Variants in EPM2A observed in about 807,000 individuals in gnomAD.
EPM2A encodes the protein EPM2A glucan phosphatase, laforin, also known as laforin.
A neutral mutation model predicts 26.5 loss-of-function variants in EPM2A; 21 were observed. That is an observed-to-expected ratio of 0.79 (90% CI 0.56 to 1.14). EPM2A has a LOEUF of 1.14. Ranked by LOEUF, EPM2A falls within the 50% of genes most tolerant of loss-of-function variation. EPM2A has a pLI of 0.00. For missense variants in EPM2A, 458 were observed against 440.8 expected, an observed-to-expected ratio of 1.04 and a Z score of -0.35; for synonymous variants, 217 against 177.6, an observed-to-expected ratio of 1.22 and a Z score of -1.76.
intron 2 of EPM2A, among the ~76,000 whole-genome samples, chr6:145,586,794 T>C (rs1394545020): frequency 3.3e-5 from 5 of 152,178 alleles, no homozygotes; most frequent in African/African-American, 1.2e-4. Flanking sequence ...GGGATAATTG[T>C]AGATATGTCT....
chr6:145,452,345 G>A (rs888513459), intron 4 of EPM2A, among the ~76,000 whole-genome samples: 1 of 151,910 alleles, frequency 6.6e-6, no homozygotes, highest in African/African-American at 2.4e-5. Context: ...ACCATCTGCA[G>A]CTAATATGTC....
intron 2 of EPM2A, among the ~76,000 whole-genome samples, chr6:145,566,336 T>C (rs1435696997): frequency 6.6e-6 from 1 of 152,230 alleles, no homozygotes; most frequent in Non-Finnish European, 1.5e-5. Context: ...ATTGTTTTGG[T>C]TTATACTGGA....
intron 2 of EPM2A, among the ~76,000 whole-genome samples, chr6:145,549,760 T>TC (rs1382509959): frequency 6.6e-6 from 1 of 152,082 alleles, no homozygotes; most frequent in African/African-American, 2.4e-5. Flanking sequence ...AGACTTATGG[T>TC]CACAGTGTCC....
At chr6:145,443,322 G>A (rs1344805592) in intron 4 of EPM2A, among the ~76,000 whole-genome samples, 9 of 152,162 alleles carry the variant, frequency 5.9e-5, no homozygotes, top group Non-Finnish European at 1.3e-4. Flanking sequence ...GCTTTGGGCA[G>A]TATAGCCATT....
intron 1 of EPM2A, among the ~76,000 whole-genome samples, chr6:145,718,925 A>G (rs756303933): frequency 2.0e-5 from 3 of 152,236 alleles, no homozygotes; most frequent in Non-Finnish European, 4.4e-5. Flanking sequence ...ACAATGAGAT[A>G]CCATCTCACA....
chr6:145,419,764 A>G (rs147143797), intron 4 of EPM2A, among the ~76,000 whole-genome samples: 44 of 152,070 alleles, frequency 2.9e-4, no homozygotes, highest in African/African-American at 1.1e-3. Flanking sequence ...ACAGAAAACT[A>G]CTAATCTAAA....
At chr6:145,594,638 T>A (rs1781316909) in intron 2 of EPM2A, among the ~76,000 whole-genome samples, 1 of 151,966 alleles carries the variant, frequency 6.6e-6, no homozygotes, top group Non-Finnish European at 1.5e-5. Context: ...TGTATATACA[T>A]TTTAAAAATA....
intron 2 of EPM2A, among the ~76,000 whole-genome samples, chr6:145,660,903 C>T (rs1270214841): frequency 2.0e-5 from 3 of 152,052 alleles, no homozygotes; most frequent in African/African-American, 2.4e-5. Flanking sequence ...CAGTACAAAA[C>T]GTTTTAAATA....
chr6:145,729,179 G>C (rs1410550614), intron 1 of EPM2A, among the ~76,000 whole-genome samples: 1 of 152,226 alleles, frequency 6.6e-6, no homozygotes, highest in Non-Finnish European at 1.5e-5. Context: ...GTCTGCTGCA[G>C]CAGCAGAGCC....
chr6:145,601,653 C>T lies in EPM2A; in HGVS notation c.340+33592G>A, dbSNP rs148238969. Among the ~76,000 whole-genome samples, 60 of 152,252 alleles carry T rather than the reference C, an allele frequency of 3.9e-4. 1 individual carries two copies. The East Asian group carries it at 9.6e-3, about 24-fold the overall frequency. Reference sequence around the variant, plus strand: ...GCATAATATCAGCATGATGGCAAGGCCTATTTAGAGTGTTGTACATCATGG... The same window carrying T: ...GCATAATATCAGCATGATGGCAAGGTCTATTTAGAGTGTTGTACATCATGG... On this transcript the variant is annotated intron_variant, in intron 2 of 3. Transcript: ENST00000450221.
At chr6:145,576,855 C>A (rs959637613) in intron 2 of EPM2A, among the ~76,000 whole-genome samples, 6 of 151,360 alleles carry the variant, frequency 4.0e-5, no homozygotes, top group South Asian at 2.1e-4. Flanking sequence ...GGTATAGAGA[C>A]AAAAAAAGTC....
At chr6:145,709,487 C>T (rs552719685) in intron 1 of EPM2A, among the ~76,000 whole-genome samples, 20 of 152,218 alleles carry the variant, frequency 1.3e-4, no homozygotes, top group African/African-American at 3.9e-4. Context: ...TCTGGCCCGC[C>T]GCCATGTAAG....
At chr6:145,566,957 G>A (rs1332383062) in intron 2 of EPM2A, among the ~76,000 whole-genome samples, 1 of 152,178 alleles carries the variant, frequency 6.6e-6, no homozygotes, top group Non-Finnish European at 1.5e-5. Flanking sequence ...AGAAATCACA[G>A]AAAGAGTAAG....
downstream of EPM2A, among the ~76,000 whole-genome samples, chr6:145,499,009 T>C (rs1394821938): frequency 6.6e-6 from 1 of 152,220 alleles, no homozygotes; most frequent in African/African-American, 2.4e-5. Context: ...GACAACTGGC[T>C]GCAGAATGCC....
At chr6:145,527,713 T>C (rs1187745970) in intron 2 of EPM2A, among the ~76,000 whole-genome samples, 1 of 152,098 alleles carries the variant, frequency 6.6e-6, no homozygotes, top group Non-Finnish European at 1.5e-5. Context: ...ATGGGTTTTG[T>C]TTTGTTTGTT....
intron 2 of EPM2A, among the ~76,000 whole-genome samples, chr6:145,612,443 A>G (rs1248026391): frequency 6.6e-6 from 1 of 152,138 alleles, no homozygotes; most frequent in African/African-American, 2.4e-5. Context: ...AACACAAATT[A>G]TCTTTTTTAT....
downstream of EPM2A, among the ~76,000 whole-genome samples, chr6:145,499,408 C>T (rs1779860360): frequency 6.6e-6 from 1 of 152,202 alleles, no homozygotes; most frequent in African/African-American, 2.4e-5. Flanking sequence ...AAGGAATCCT[C>T]CTTGTACTTC....
chr6:145,735,275 C>T lies in EPM2A; in HGVS notation c.224G>A (p.Gly75Glu). Residue 75 changes from glycine to glutamate, a missense_variant, in exon 1 of 4, where the codon GGG (glycine) becomes GAG (glutamate). Coordinates refer to ENST00000367519, the MANE Select transcript of EPM2A (RefSeq NM_005670.4). ...ELAAEEAAQD[G>E]AEPGRVDTFW... ...CGTGTCCACGCGGCCCGGCTCCGCC[C>T]CGTCCTGCGCCGCCTCCTCGGCCGC... 2 of 1,500,104 alleles carry T rather than the reference C, an allele frequency of 1.3e-6. No homozygotes were observed. Among genetic ancestry groups the T allele is most frequent in the Non-Finnish European group, 1.8e-6 (2 of 1,122,696 alleles). The allele number at this position is 1,500,104 out of a possible 1,614,324, so 92.9% of individuals were successfully genotyped here. A position where few individuals can be genotyped will look rare whatever the true frequency, so the allele number is the denominator to read the frequency against.
At chr6:145,418,778 A>G (rs1016860597) in intron 4 of EPM2A, among the ~76,000 whole-genome samples, 5 of 152,186 alleles carry the variant, frequency 3.3e-5, no homozygotes, top group African/African-American at 1.2e-4. Context: ...TCTGATTCAG[A>G]CTGCCAGTGA....
Sources: allele counts gnomAD v4.1 joint callset (sites outside exome capture counted in the v4.1 genomes callset), GRCh38; gene constraint gnomAD v4.1.1; transcripts MANE v1.5; gene names NCBI Gene and HGNC (gene_info 2026-07-23, HGNC 2026-07-21).